Variants in TMEM230 observed in about 807,000 individuals in gnomAD.
TMEM230 encodes UPF0414 transmembrane protein C20orf30.
TMEM230 carries 10 observed loss-of-function variants against 15.8 expected under a neutral mutation model. The observed-to-expected ratio is 0.63, with a 90% confidence interval of 0.39 to 1.07. The LOEUF (loss-of-function observed/expected upper bound fraction) is 1.07, where lower values mean the gene tolerates loss of function less well. TMEM230 is among the 50% of genes least tolerant of loss of function. The pLI is 0.01. For missense variants in TMEM230, 165 were observed against 193.3 expected (o/e 0.85, Z 0.87); for synonymous variants, 67 against 76.9 (o/e 0.87, Z 0.68).
At chr20:5,106,624 C>T (rs1299373744) in intron 3 of TMEM230, among the ~76,000 whole-genome samples, 1 of 152,168 alleles carries the variant, frequency 6.6e-6, no homozygotes, top group East Asian at 1.9e-4. Context: ...CCTGGCTGGG[C>T]TTGAACTCCT....
At chr20:5,070,212 T>C (rs745434061) in intron 3 of TMEM230, among the ~76,000 whole-genome samples, 5 of 152,158 alleles carry the variant, frequency 3.3e-5, no homozygotes, top group Non-Finnish European at 7.4e-5. Context: ...GTGCATCAAC[T>C]CTCCAGTTGA....
At chr20:5,090,466 G>A (rs929909337) in intron 3 of TMEM230, among the ~76,000 whole-genome samples, 10 of 152,178 alleles carry the variant, frequency 6.6e-5, no homozygotes, top group African/African-American at 2.4e-4. Context: ...GGGACAATGG[G>A]CAGGAAGAGG....
intron 3 of TMEM230, among the ~76,000 whole-genome samples, chr20:5,071,016 T>C (rs2088805430): frequency 6.6e-6 from 1 of 152,182 alleles, no homozygotes; most frequent in African/African-American, 2.4e-5. Flanking sequence ...TCATTTTTCC[T>C]TATTTTCTAG....
At chr20:5,087,696 C>CTTTTT (rs561757286) in intron 3 of TMEM230, among the ~76,000 whole-genome samples, 2 of 99,534 alleles carry the variant, frequency 2.0e-5, no homozygotes, top group South Asian at 4.8e-4. Context: ...GAAAGTATGG[C>CTTTTT]TTTTTTTTTT....
chr20:5,079,386 C>T (rs1420811016), intron 3 of TMEM230, among the ~76,000 whole-genome samples: 1 of 152,222 alleles, frequency 6.6e-6, no homozygotes, highest in Non-Finnish European at 1.5e-5. Context: ...AGATAGATTT[C>T]AGAACCACTT....
downstream of TMEM230, among the ~76,000 whole-genome samples, chr20:5,063,402 C>T (rs2088624804): frequency 6.6e-6 from 1 of 150,700 alleles, no homozygotes; most frequent in African/African-American, 2.5e-5. Flanking sequence ...ATTCTCCTGC[C>T]TCAGCCTACT....
At chr20:5,108,317 G>A (rs35672387) in intron 3 of TMEM230, among the ~76,000 whole-genome samples, 23,036 of 151,670 alleles carry the variant, frequency 0.15, 2,432 homozygotes, top group African/African-American at 0.3. Flanking sequence ...TACTTGGGAG[G>A]CTGAGGCAGG....
intron 1 of TMEM230, among the ~76,000 whole-genome samples, chr20:5,111,989 G>A (rs2090346398): frequency 6.6e-6 from 1 of 152,166 alleles, no homozygotes; most frequent in Non-Finnish European, 1.5e-5. Context: ...TGGGACTACA[G>A]GAGCCTGCTA....
At position 5,092,492 on chromosome 20, in the gene TMEM230, C is replaced by T. The variant is rs2089539626; in HGVS notation, c.222+13696G>A. ...CTGCACTTTGGGAGGCCGACGCAGG[C>T]GGATCACCTGAGGTCGGGAGTTCAT... On this transcript the variant is annotated intron_variant, in intron 3 of 3. Transcript: ENST00000612323. 1.3e-5 allele frequency among the ~76,000 whole-genome samples: 2 copies of T among 152,040 alleles called. 1 individual carries two copies. The highest frequency in any genetic ancestry group is 4.1e-4 in the South Asian group (2 of 4,826).
chr20:5,100,735 A>G lies in TMEM230; in HGVS notation c.*56T>C, dbSNP rs1263352239. ...AGTCCTCAGCTATAGTTTCTGCTAGATATCTTAAAGCTGGGACAGTTCCAC... is the reference window on the plus strand; with the variant it reads ...AGTCCTCAGCTATAGTTTCTGCTAGGTATCTTAAAGCTGGGACAGTTCCAC... On this transcript the variant is annotated 3_prime_UTR_variant, in exon 5 of 5. Transcript: ENST00000342308. 5 of 1,594,842 alleles carry G rather than the reference A, an allele frequency of 3.1e-6. No individual in the cohort carries two copies. The highest frequency in any genetic ancestry group is 4.3e-6 in the Non-Finnish European group (5 of 1,169,418).
the TMEM230 span, among the ~76,000 whole-genome samples, chr20:5,060,460 C>T: frequency 6.6e-6 from 1 of 151,476 alleles, no homozygotes; most frequent in Non-Finnish European, 1.5e-5. Flanking sequence ...CCTCAGCCTC[C>T]TGAGTAGCTG....
downstream of TMEM230, among the ~76,000 whole-genome samples, chr20:5,065,079 GA>G (rs1267100515): frequency 6.6e-6 from 1 of 151,790 alleles, no homozygotes; most frequent in Non-Finnish European, 1.5e-5. Flanking sequence ...ATAAGCACAT[GA>G]AAAGATGAAA....
downstream of TMEM230, among the ~76,000 whole-genome samples, chr20:5,095,083 A>G (rs577512397): frequency 6.6e-6 from 1 of 152,208 alleles, no homozygotes; most frequent in African/African-American, 2.4e-5. Context: ...TGGTGGTCTC[A>G]GGGCAAACTC....
intron 3 of TMEM230, chr20:5,069,466 T>A: frequency 9.6e-7 from 1 of 1,043,252 alleles, no homozygotes; most frequent in Non-Finnish European, 1.4e-6. Context: ...CAACACTTCC[T>A]GAAGGCCTGT....
intron 3 of TMEM230, among the ~76,000 whole-genome samples, chr20:5,077,083 A>G (rs2089026949): frequency 6.6e-6 from 1 of 151,898 alleles, no homozygotes; most frequent in African/African-American, 2.4e-5. Flanking sequence ...AGGCAGGAGG[A>G]TTGCTTGAGC....
intron 3 of TMEM230, 59 bp from the exon 3 acceptor site, chr20:5,106,369 T>C: frequency 6.5e-7 from 1 of 1,530,032 alleles, no homozygotes; most frequent in East Asian, 2.3e-5. Flanking sequence ...ATACCTGGGT[T>C]CAAACATTTA....
At chr20:5,072,396 T>C (rs1238837793) in intron 3 of TMEM230, among the ~76,000 whole-genome samples, 1 of 152,074 alleles carries the variant, frequency 6.6e-6, no homozygotes, top group Non-Finnish European at 1.5e-5. Context: ...TGCAGGACCA[T>C]AGTTCCCTGT....
downstream of TMEM230, among the ~76,000 whole-genome samples, chr20:5,064,491 G>A (rs1427669377): frequency 2.0e-5 from 3 of 150,314 alleles, no homozygotes; most frequent in Non-Finnish European, 3.0e-5. Context: ...AAGGAGAATC[G>A]CTTGAACCCA....
chr20:5,099,348 A>G (rs2089765801), downstream of TMEM230, among the ~76,000 whole-genome samples: 2 of 152,084 alleles, frequency 1.3e-5, no homozygotes, highest in Admixed American at 6.6e-5. Flanking sequence ...ATCACCTCAC[A>G]TATTCACTGT....
Sources: gnomAD v4.1 joint callset for allele counts (sites outside exome capture counted in the v4.1 genomes callset) on GRCh38, gnomAD v4.1.1 for gene constraint, MANE v1.5 for transcripts, NCBI Gene and HGNC (gene_info 2026-07-23, HGNC 2026-07-21) for gene names.